The following TAL1 variants were observed in gnomAD, a reference collection of about 807,000 sequenced individuals.
TAL1 encodes the protein T-cell acute lymphocytic leukemia protein 1.
A neutral mutation model predicts 17.9 loss-of-function variants in TAL1; 8 were observed. The observed-to-expected ratio is 0.45, with a 90% confidence interval of 0.26 to 0.81. TAL1 has a LOEUF of 0.81. TAL1 is among the 30% of genes least tolerant of loss of function. The pLI is 0.17. For missense variants in TAL1, 466 were observed against 486.9 expected, an observed-to-expected ratio of 0.96 and a Z score of 0.40; for synonymous variants, 223 against 218.6, an observed-to-expected ratio of 1.02 and a Z score of -0.18.
chr1:47,231,479 T>G (rs1207316728), upstream of TAL1, among the ~76,000 whole-genome samples: 1 of 151,114 alleles, frequency 6.6e-6, no homozygotes, highest in Non-Finnish European at 1.5e-5. Context: ...AAACACCACC[T>G]AGCACTGCCC....
chr1:47,229,587 G>A, exon 1 of TAL1: 1 of 164,362 alleles, frequency 6.1e-6, no homozygotes, highest in Non-Finnish European at 1.3e-5. Flanking sequence ...TGACCAATCA[G>A]GAATAGCTAT....
At chr1:47,225,383 G>A in intron 2 of TAL1, 60 bp downstream of exon 3, 1 of 1,218,420 alleles carries the variant, frequency 8.2e-7, no homozygotes, top group Non-Finnish European at 1.0e-6. Flanking sequence ...GGAAACCCCG[G>A]TGGGGGTGGT....
At chr1:47,224,097 C>G in exon 3 of TAL1, 1 of 1,613,650 alleles carries the variant, frequency 6.2e-7, no homozygotes, top group South Asian at 1.1e-5. Flanking sequence ...CCAAAGAACC[C>G]GCTGTGGGAG....
exon 2 of TAL1, chr1:47,225,594 G>A (rs1643895382): frequency 7.7e-7 from 1 of 1,306,172 alleles, no homozygotes; most frequent in Non-Finnish European, 9.7e-7. Flanking sequence ...GCCGGGGCGG[G>A]CCCGGGAGGT....
At chr1:47,225,957 TG>T in intron 1 of TAL1, 68 bp from the exon 3 acceptor site, 1 of 1,450,528 alleles carries the variant, frequency 6.9e-7, no homozygotes, top group South Asian at 1.3e-5. Flanking sequence ...CGACGTGGGC[TG>T]GGGTAAAGGG....
intron 3 of TAL1, 81 bp from the exon 5 acceptor site, chr1:47,220,255 G>A: frequency 7.0e-7 from 1 of 1,423,816 alleles, no homozygotes; most frequent in Non-Finnish European, 9.2e-7. Flanking sequence ...TGGGAAACTT[G>A]GGAAGCCTAG....
exon 4 of TAL1, chr1:47,219,348 T>C (rs1385978177): frequency 1.8e-6 from 1 of 551,642 alleles, no homozygotes; most frequent in Non-Finnish European, 3.5e-6. Context: ...CAGAGACTGC[T>C]GGATGCCTCA....
At chr1:47,219,033 C>T (rs748687636) in exon 4 of TAL1, 1 of 312,404 alleles carries the variant, frequency 3.2e-6, no homozygotes, top group African/African-American at 2.1e-5. Flanking sequence ...CTTAGGAAGG[C>T]AAGTCTCATT....
exon 1 of TAL1, chr1:47,229,717 G>C (rs1569933967): frequency 6.6e-6 from 1 of 152,326 alleles, no homozygotes; most frequent in Non-Finnish European, 1.5e-5. Flanking sequence ...CTACGCGGTT[G>C]CCTCCTCAGC....
chr1:47,219,690 C>A, exon 4 of TAL1: 1 of 1,605,078 alleles, frequency 6.2e-7, no homozygotes, highest in East Asian at 2.2e-5. Context: ...TAAGAACGCC[C>A]TCCTGGCTGA....
chr1:47,221,788 T>C (rs1643815897), intron 3 of TAL1, among the ~76,000 whole-genome samples: 1 of 152,294 alleles, frequency 6.6e-6, no homozygotes, highest in Non-Finnish European at 1.5e-5. Flanking sequence ...CTCACCTCAG[T>C]GGTCAGTCTG....
intron 3 of TAL1, among the ~76,000 whole-genome samples, chr1:47,221,846 C>G (rs1284252779): frequency 6.6e-6 from 1 of 152,212 alleles, no homozygotes; most frequent in Admixed American, 6.5e-5. Context: ...ATCTCTTTCT[C>G]TCTCCTACAC....
chr1:47,217,759 G>A, exon 4 of TAL1: 1 of 398,570 alleles, frequency 2.5e-6, no homozygotes, highest in Non-Finnish European at 4.4e-6. Flanking sequence ...CCATACTGTG[G>A]CTACTTCTCA....
chr1:47,225,803 G>C (rs1308489832), exon 2 of TAL1: 2 of 1,570,222 alleles, frequency 1.3e-6, no homozygotes, highest in Admixed American at 1.7e-5. Flanking sequence ...GACCAGGTGC[G>C]GGGGGGCCAT....
exon 4 of TAL1, chr1:47,218,390 C>A (rs994145183): frequency 4.3e-6 from 1 of 232,822 alleles, no homozygotes; most frequent in Non-Finnish European, 8.5e-6. Flanking sequence ...TACAAAAGGA[C>A]TTGCAGTGGT....
At chr1:47,225,576 G>T in exon 2 of TAL1, 2 of 1,284,346 alleles carry the variant, frequency 1.6e-6, no homozygotes, top group East Asian at 3.2e-5. Context: ...ACCGAGGCGG[G>T]CGCGGGGGCC....
intron 1 of TAL1, chr1:47,227,933 A>C (rs913249669): frequency 2.0e-5 from 3 of 152,286 alleles, no homozygotes; most frequent in Non-Finnish European, 4.4e-5. Context: ...CCAGTGATCC[A>C]TGCTTAAGCC....
At chr1:47,225,860 G>A in exon 2 of TAL1, 3 of 1,583,988 alleles carry the variant, frequency 1.9e-6, no homozygotes, top group African/African-American at 1.4e-5. Flanking sequence ...GTCACTGCGA[G>A]CCGCCTCGCT....
At chr1:47,224,071 G>A in exon 3 of TAL1, 1 of 1,613,902 alleles carries the variant, frequency 6.2e-7, no homozygotes, top group Non-Finnish European at 8.5e-7. Flanking sequence ...TGAACATAGG[G>A]AAGGCATCCG....
Sources: allele counts gnomAD v4.1 joint callset (sites outside exome capture counted in the v4.1 genomes callset), GRCh38; gene constraint gnomAD v4.1.1; transcripts MANE v1.5; gene names NCBI Gene and HGNC (gene_info 2026-07-23, HGNC 2026-07-21).